Variants in CHRNA9 observed in about 807,000 individuals in gnomAD.
CHRNA9 encodes neuronal acetylcholine receptor subunit alpha-9.
In CHRNA9, 24 loss-of-function variants were observed where a neutral mutation model predicts 36.8. The ratio of observed to expected loss-of-function variants is 0.65; its 90% CI spans 0.47 to 0.92. CHRNA9 has a LOEUF of 0.92. Among genes scored for constraint, CHRNA9 ranks in the 40% least tolerant of loss-of-function variants. CHRNA9 has a pLI of 0.00. For synonymous variants in CHRNA9, 231 were observed against 231.8 expected, an observed-to-expected ratio of 1.00 and a Z score of 0.03; for missense variants, 610 against 601.2, an observed-to-expected ratio of 1.01 and a Z score of -0.15.
intron 3 of CHRNA9, among the ~76,000 whole-genome samples, chr4:40,346,766 C>G (rs114934846): frequency 0.011 from 1,714 of 152,024 alleles, 24 homozygotes; most frequent in African/African-American, 0.039. Flanking sequence ...AAAAACATGC[C>G]TGTTCTTTAA....
Position 40,335,472 on chromosome 4 carries a change from A to G in CHRNA9, c.5A>G (p.Asn2Ser). The G allele has an allele frequency of 1.2e-6, 2 of 1,612,792 alleles. No individual in the cohort carries two copies. The highest frequency in any genetic ancestry group is 1.7e-6 in the Non-Finnish European group (2 of 1,178,738). Residue 2 changes from asparagine (N) to serine (S), a missense_variant, in exon 1 of 5, where the codon AAC becomes AGC. Asn to Ser is a conservative substitution (Grantham distance 46, BLOSUM62 1). Coordinates refer to ENST00000310169, the MANE Select transcript of CHRNA9 (RefSeq NM_017581.4). Reference sequence around the variant, plus strand: ...TTATAGAGGCTCAGGAAAAAGATGAACTGGTCCCATTCCTGCATCTCCTTT... The same window carrying G: ...TTATAGAGGCTCAGGAAAAAGATGAGCTGGTCCCATTCCTGCATCTCCTTT... M[N>S]WSHSCISFCW... is the part of the protein sequence containing the mutation.
At chr4:40,339,701 C>T (rs1159289789) in intron 3 of CHRNA9, among the ~76,000 whole-genome samples, 9 of 150,336 alleles carry the variant, frequency 6.0e-5, no homozygotes, top group African/African-American at 1.7e-4. Flanking sequence ...TCACTCCTAT[C>T]GCCCACGCTA....
intron 4 of CHRNA9, among the ~76,000 whole-genome samples, chr4:40,352,817 T>C (rs181080568): frequency 6.6e-6 from 1 of 152,308 alleles, no homozygotes; most frequent in Admixed American, 6.5e-5. Context: ...ACAGTCTCCT[T>C]TCTTACCTAA....
intron 4 of CHRNA9, among the ~76,000 whole-genome samples, chr4:40,350,884 T>G (rs1341489550): frequency 2.0e-5 from 3 of 152,156 alleles, no homozygotes; most frequent in Non-Finnish European, 4.4e-5. Flanking sequence ...GGTCCCACTC[T>G]CTTCTTGGGT....
chr4:40,353,346 C>G (rs1238352942), intron 4 of CHRNA9, among the ~76,000 whole-genome samples: 1 of 152,116 alleles, frequency 6.6e-6, no homozygotes, highest in African/African-American at 2.4e-5. Context: ...CAAAAATTAG[C>G]CGGGCGTAGT....
At position 40,353,994 on chromosome 4, in the gene CHRNA9, C is replaced by T; in HGVS notation, c.914C>T (p.Ala305Val). ...TTAATTCCAGGTAAATACTACATAG[C>T]CACGATGGCCCTGATCACAGCCTCC... ...NVPLIGKYYI[A>V]TMALITASTA... The change falls in exon 5 of 5, where the codon GCC (alanine) becomes GTC (valine). Residue 305 changes from alanine (A) to valine (V), a missense_variant. By Grantham distance (64) the Ala-to-Val change is moderately conservative (BLOSUM62 0). Coordinates refer to ENST00000310169, the MANE Select transcript of CHRNA9 (RefSeq NM_017581.4). 1.2e-6 allele frequency: 2 copies of T among 1,600,866 alleles called. No homozygotes were observed. The highest frequency in any genetic ancestry group is 1.7e-6 in the Non-Finnish European group (2 of 1,171,496).
intron 3 of CHRNA9, chr4:40,338,213 G>A (rs1712382744): frequency 6.6e-6 from 1 of 152,194 alleles, no homozygotes; most frequent in South Asian, 2.1e-4. Context: ...CGTTTTCCCG[G>A]TCTCAGAGCA....
chr4:40,353,835 T>C (rs563396947), intron 4 of CHRNA9, 144 bp from the exon 5 acceptor site: 3 of 735,076 alleles, frequency 4.1e-6, no homozygotes, highest in African/African-American at 1.8e-5. Flanking sequence ...TTTGTGTACA[T>C]ACACTCTTAT....
chr4:40,354,762 T>G lies in CHRNA9; in HGVS notation c.*242T>G. ...AGAGCCCTTTTATAGCCCACCGTAG[T>G]GGTGGGTGACTGGCCTCTAGTTTAT... On this transcript the variant is annotated 3_prime_UTR_variant, in exon 5 of 5. Transcript: ENST00000310169. 2.4e-6 allele frequency: 1 copy of G among 425,104 alleles called. No homozygotes were observed. Among genetic ancestry groups the G allele is most frequent in the Non-Finnish European group, 4.2e-6 (1 of 239,260 alleles). 26.3% of individuals were successfully genotyped at this position (425,104 alleles called of 1,614,324 possible).
chr4:40,337,578 C>T (rs1050268364), intron 3 of CHRNA9, among the ~76,000 whole-genome samples: 2 of 152,152 alleles, frequency 1.3e-5, no homozygotes, highest in Non-Finnish European at 2.9e-5. Flanking sequence ...ATCTACATGC[C>T]CCTTTTTCAG....
chr4:40,340,973 CAAAAAAAAA>C (rs543449903), intron 3 of CHRNA9, among the ~76,000 whole-genome samples: 8 of 64,968 alleles, frequency 1.2e-4, no homozygotes, highest in African/African-American at 3.5e-4. Flanking sequence ...ATAAGCTCTC[CAAAAAAAAA>C]AAAAAAAAAA....
chr4:40,353,213 C>T lies in CHRNA9; in HGVS notation c.899-766C>T, dbSNP rs549828091. Among the ~76,000 whole-genome samples, 12 of 152,156 alleles carry T rather than the reference C, an allele frequency of 7.9e-5. No homozygotes were observed. The South Asian group carries it at 1.2e-3, about 16-fold the overall frequency. On this transcript the variant is annotated intron_variant, in intron 4 of 4. Coordinates refer to ENST00000310169, the MANE Select transcript of CHRNA9 (RefSeq NM_017581.4). ...AGATTCAAAAGTCTATACTATAGCC[C>T]GGCGCGGTGGCTCACGCCTGTAATT... is the stretch of plus-strand genomic sequence containing the variant.
intron 3 of CHRNA9, among the ~76,000 whole-genome samples, chr4:40,338,451 G>C (rs187792088): frequency 6.6e-6 from 1 of 152,088 alleles, no homozygotes; most frequent in Non-Finnish European, 1.5e-5. Context: ...CAGTGGCCCC[G>C]CCTGTTGTTG....
intron 3 of CHRNA9, among the ~76,000 whole-genome samples, chr4:40,338,497 G>A (rs976780734): frequency 1.3e-5 from 2 of 152,182 alleles, no homozygotes; most frequent in Non-Finnish European, 2.9e-5. Context: ...TGGAACCCAA[G>A]TTTCTGTGGA....
chr4:40,354,584 G>A lies in CHRNA9; in HGVS notation c.*64G>A, dbSNP rs566123376. On this transcript the variant is annotated 3_prime_UTR_variant, in exon 5 of 5. Transcript: ENST00000310169. ...ACAATTCCCTGTGATCTATTCCAAT[G>A]TTCTTCCAAGATTTTTGTTCATCTA... The A allele has an allele frequency of 4.7e-5, 62 of 1,328,988 alleles. No homozygotes were observed. The Admixed American group carries it at 9.6e-4, about 21-fold the overall frequency. The allele number at this position is 1,328,988 out of a possible 1,614,324, so 82.3% of individuals were successfully genotyped here.
chr4:40,339,295 A>G (rs1293471737), intron 3 of CHRNA9, among the ~76,000 whole-genome samples: 1 of 150,702 alleles, frequency 6.6e-6, no homozygotes, highest in Non-Finnish European at 1.5e-5. Flanking sequence ...AAAAAAAAAA[A>G]AAAAAAGAAA....
chr4:40,337,065 A>G (rs55698633), intron 2 of CHRNA9, 145 bp from the exon 3 acceptor site: 530 of 720,236 alleles, frequency 7.4e-4, no homozygotes, highest in Non-Finnish European at 1.0e-3. Flanking sequence ...AAGGGGATAG[A>G]ATAAATAAAG....
chr4:40,335,796 A>C, intron 1 of CHRNA9, 31 bp from the exon 2 acceptor site: 1 of 1,597,414 alleles, frequency 6.3e-7, no homozygotes, highest in South Asian at 1.1e-5. Flanking sequence ...CAACACTCTG[A>C]ATGTTAATCC....
intron 4 of CHRNA9, among the ~76,000 whole-genome samples, chr4:40,352,359 T>C (rs1712824979): frequency 6.6e-6 from 1 of 152,242 alleles, no homozygotes; most frequent in Non-Finnish European, 1.5e-5. Flanking sequence ...GTAGCTGGGA[T>C]TACAGGCACG....
Sources: allele counts gnomAD v4.1 joint callset (sites outside exome capture counted in the v4.1 genomes callset), GRCh38; gene constraint gnomAD v4.1.1; transcripts MANE v1.5; gene names NCBI Gene and HGNC (gene_info 2026-07-23, HGNC 2026-07-21).